The following PRKN variants were observed in gnomAD, a reference collection of about 807,000 sequenced individuals.
The protein encoded by PRKN is E3 ubiquitin-protein ligase parkin.
In PRKN, 56 loss-of-function variants were observed where a neutral mutation model predicts 59.5. The observed-to-expected ratio is 0.94, with a 90% confidence interval of 0.76 to 1.18. The LOEUF (loss-of-function observed/expected upper bound fraction) is 1.18, where lower values mean the gene tolerates loss of function less well. Ranked by LOEUF, PRKN falls within the 50% of genes most tolerant of loss-of-function variation. The pLI is 0.00. For synonymous variants in PRKN, 250 were observed against 222.1 expected (o/e 1.13, Z -1.12); for missense variants, 657 against 596.4 (o/e 1.10, Z -1.06).
intron 4 of PRKN, among the ~76,000 whole-genome samples, chr6:162,173,295 T>G (rs1783373316): frequency 6.6e-6 from 1 of 152,178 alleles, no homozygotes; most frequent in Admixed American, 6.5e-5. Flanking sequence ...CTGATTGCTG[T>G]GCAGTCAGCA....
chr6:161,608,901 C>A (rs1782385507), intron 7 of PRKN, among the ~76,000 whole-genome samples: 1 of 152,060 alleles, frequency 6.6e-6, no homozygotes, highest in Admixed American at 6.6e-5. Context: ...ATTATTATTA[C>A]TATAATTAGG....
chr6:162,340,631 T>C (rs1047554739), intron 2 of PRKN, among the ~76,000 whole-genome samples: 1 of 152,162 alleles, frequency 6.6e-6, no homozygotes, highest in African/African-American at 2.4e-5. Flanking sequence ...ACCACGCATC[T>C]ACAAACATCT....
At chr6:162,381,069 G>T (rs1317603532) in intron 2 of PRKN, among the ~76,000 whole-genome samples, 2 of 152,070 alleles carry the variant, frequency 1.3e-5, no homozygotes, top group Non-Finnish European at 2.9e-5. Context: ...TAAGCCCACT[G>T]TGTCCCTTCC....
At chr6:162,320,224 G>A (rs904863012) in intron 2 of PRKN, among the ~76,000 whole-genome samples, 2 of 151,412 alleles carry the variant, frequency 1.3e-5, no homozygotes, top group Non-Finnish European at 3.0e-5. Context: ...TGGACACTTA[G>A]GTTGATTCCA....
intron 7 of PRKN, among the ~76,000 whole-genome samples, chr6:161,637,334 T>A (rs1783561367): frequency 6.6e-6 from 1 of 151,730 alleles, no homozygotes; most frequent in Admixed American, 6.6e-5. Context: ...TTCATTACCA[T>A]AAATAAATGT....
At chr6:162,681,542 T>C (rs749410807) in intron 1 of PRKN, among the ~76,000 whole-genome samples, 27 of 152,098 alleles carry the variant, frequency 1.8e-4, no homozygotes, top group Non-Finnish European at 3.5e-4. Flanking sequence ...TAAAGTTACA[T>C]AGGAGTGTGA....
intron 2 of PRKN, among the ~76,000 whole-genome samples, chr6:162,401,311 C>T (rs1787783800): frequency 6.7e-6 from 1 of 150,194 alleles, no homozygotes; most frequent in African/African-American, 2.5e-5. Flanking sequence ...AAAAAAAAAA[C>T]CTATGCAGAT....
At chr6:162,321,391 C>A (rs1245152171) in intron 2 of PRKN, among the ~76,000 whole-genome samples, 1 of 151,848 alleles carries the variant, frequency 6.6e-6, no homozygotes, top group Non-Finnish European at 1.5e-5. Context: ...CATTAAAAAA[C>A]CTCAAACGAA....
chr6:162,652,700 G>A (rs563921960), intron 1 of PRKN, among the ~76,000 whole-genome samples: 2 of 152,104 alleles, frequency 1.3e-5, no homozygotes, highest in Admixed American at 6.5e-5. Flanking sequence ...AGCACTTTGG[G>A]AGGCTGAGGT....
intron 2 of PRKN, among the ~76,000 whole-genome samples, chr6:162,355,071 A>G (rs1007428717): frequency 2.0e-5 from 3 of 152,110 alleles, no homozygotes; most frequent in Middle Eastern, 3.4e-3. Flanking sequence ...TACAAAGCCT[A>G]TAAGACAGTC....
chr6:162,397,270 G>T (rs1225251513), intron 2 of PRKN, among the ~76,000 whole-genome samples: 2 of 152,138 alleles, frequency 1.3e-5, no homozygotes, highest in African/African-American at 2.4e-5. Flanking sequence ...GTAAGAAAAA[G>T]AAGCAAACTC....
chr6:162,693,077 T>C (rs1043063148), intron 1 of PRKN, among the ~76,000 whole-genome samples: 2 of 152,202 alleles, frequency 1.3e-5, no homozygotes. Flanking sequence ...ACTTTTGATA[T>C]TTAGGCCAAT....
chr6:161,503,072 G>A lies in PRKN; in HGVS notation c.1083+45782C>T, dbSNP rs551046013. Among the ~76,000 whole-genome samples the A allele has an allele frequency of 2.6e-5, 4 of 152,206 alleles. No homozygotes were observed. In the East Asian group the frequency reaches 7.7e-4, roughly 29 times the overall value. On this transcript the variant is annotated intron_variant, in intron 9 of 11. Coordinates refer to ENST00000366898, the MANE Select transcript of PRKN (RefSeq NM_004562.3). This position sits in a 1 kb window ranked among gnomAD's most constrained non-coding sequence, Gnocchi z 5.1. ...TCTTACTATTTTATGGTTGATGAAC[G>A]AATGGTTCTAGTGACTTTCAGGGTA...
intron 2 of PRKN, among the ~76,000 whole-genome samples, chr6:162,386,771 G>A (rs1036897382): frequency 2.0e-5 from 3 of 152,220 alleles, no homozygotes; most frequent in Admixed American, 1.3e-4. Flanking sequence ...AGAAAAATTG[G>A]TAGGTTGTAT....
At chr6:162,367,432 T>G (rs1016628797) in intron 2 of PRKN, among the ~76,000 whole-genome samples, 1 of 152,208 alleles carries the variant, frequency 6.6e-6, no homozygotes, top group Non-Finnish European at 1.5e-5. Context: ...TTAATGTGTA[T>G]GTGTATTGTA....
intron 6 of PRKN, among the ~76,000 whole-genome samples, chr6:161,842,878 C>T (rs73014598): frequency 0.034 from 5,124 of 152,296 alleles, 121 homozygotes; most frequent in Non-Finnish European, 0.05. Context: ...CCTGAGGATG[C>T]ACGTTCTCTT....
At chr6:162,622,253 A>T (rs564494441) in intron 1 of PRKN, among the ~76,000 whole-genome samples, 106 of 151,054 alleles carry the variant, frequency 7.0e-4, no homozygotes, top group Non-Finnish European at 1.3e-3. Flanking sequence ...TTCCTTTTTC[A>T]TAACAGCCTT....
chr6:162,219,746 T>A (rs750220309), intron 3 of PRKN, among the ~76,000 whole-genome samples: 6 of 152,154 alleles, frequency 3.9e-5, no homozygotes, highest in Non-Finnish European at 7.4e-5. Context: ...CATGAGTAAA[T>A]ACATTTTAGA....
intron 2 of PRKN, among the ~76,000 whole-genome samples, chr6:162,397,872 A>G (rs1223453715): frequency 6.6e-6 from 1 of 152,028 alleles, no homozygotes; most frequent in African/African-American, 2.4e-5. Context: ...CCCCATCTCT[A>G]GTAAAAATAC....
Sources: gnomAD v4.1 joint callset for allele counts (sites outside exome capture counted in the v4.1 genomes callset) on GRCh38, gnomAD v4.1.1 for gene constraint, Gnocchi (gnomAD v3.1) non-coding constraint, MANE v1.5 for transcripts, NCBI Gene and HGNC (gene_info 2026-07-23, HGNC 2026-07-21) for gene names.